The following PI4KA variants were observed in gnomAD, a reference collection of about 807,000 sequenced individuals.
The protein encoded by PI4KA is phosphatidylinositol 4-kinase alpha, also known as PI4-kinase alpha.
In PI4KA, 122 loss-of-function variants were observed where a neutral mutation model predicts 271.4. That is an observed-to-expected ratio of 0.45 (90% CI 0.39 to 0.52). The LOEUF is 0.52. Among genes scored for constraint, PI4KA ranks in the 20% least tolerant of loss-of-function variants. The pLI is 0.00. For synonymous variants in PI4KA, 1,041 were observed against 1,078.8 expected, an observed-to-expected ratio of 0.96 and a Z score of 0.69; for missense variants, 1,969 against 2,769.1, an observed-to-expected ratio of 0.71 and a Z score of 6.48.
In PI4KA at chr22:20,710,203, C is replaced by T. The variant is rs1305689793; in HGVS notation, c.6084-206G>A. ...CGCCCAGGCAAGGGCTGCCCACACGCACTCTGGACAGGCTGAGTGTCCTGC... is the reference window on the plus strand; with the variant it reads ...CGCCCAGGCAAGGGCTGCCCACACGTACTCTGGACAGGCTGAGTGTCCTGC... On this transcript the variant is annotated intron_variant, in intron 52 of 54. Transcript: ENST00000255882. The T allele has an allele frequency of 1.1e-5, 7 of 627,740 alleles. No homozygotes were observed. The East Asian group carries it at 1.7e-4, about 15-fold the overall frequency. 38.9% of individuals were successfully genotyped at this position (627,740 alleles called of 1,614,324 possible). A position where few individuals can be genotyped will look rare whatever the true frequency, so the allele number is the denominator to read the frequency against.
At position 20,793,242 on chromosome 22, in the gene PI4KA, G is replaced by A. The variant is rs1192703052; in HGVS notation, c.2279C>T (p.Ala760Val). Reference sequence around the variant, plus strand: ...TCCCAAGTTCCCTGCACTGCTAGAAGCCTAGAAAAGAACAGAATTATTGTC... The same window carrying A: ...TCCCAAGTTCCCTGCACTGCTAGAAACCTAGAAAAGAACAGAATTATTGTC... ...RASEKGPALK[A>V]SSSAGNLGVL... The change falls in exon 19 of 55, where the codon GCT becomes GTT. Residue 760 changes from alanine (A) to valine (V), a missense_variant and splice_region_variant. Coordinates refer to ENST00000255882, the MANE Select transcript of PI4KA (RefSeq NM_058004.4). The A allele has an allele frequency of 6.4e-7, 1 of 1,553,498 alleles. No homozygotes were observed. Among genetic ancestry groups the A allele is most frequent in the Non-Finnish European group, 8.9e-7 (1 of 1,125,428 alleles).
intron 1 of PI4KA, among the ~76,000 whole-genome samples, 190 bp downstream of exon 1, chr22:20,858,380 C>T (rs1601636092): frequency 6.6e-6 from 1 of 151,554 alleles, no homozygotes; most frequent in African/African-American, 2.4e-5. Context: ...CCCCCACGGT[C>T]CCTCTCTCTT....
rs373717608 is a variant in PI4KA, at chr22:20,764,887, C to T, written c.2638G>A (p.Ala880Thr). ...NLLDPPPEVSALINKLDFAMS... is the reference protein window; with the variant it reads ...NLLDPPPEVSTLINKLDFAMS... ...GCGAAGTCCAGCTTGTTGATGAGTG[C>T]GGACACCTCGGGAGGGGGGTCCAGC... The change falls in exon 22 of 55, where the codon GCA becomes ACA. Residue 880 changes from alanine to threonine, a missense_variant. Physicochemically the swap from Ala to Thr is moderately conservative, Grantham distance 58 (BLOSUM62 0). Transcript: ENST00000255882. 3.7e-6 allele frequency: 6 copies of T among 1,613,438 alleles called. No homozygotes were observed. The highest frequency in any genetic ancestry group is 3.4e-6 in the Non-Finnish European group (4 of 1,179,596).
chr22:20,710,084 A>T, intron 52 of PI4KA, 87 bp from the exon 53 acceptor site: 2 of 745,634 alleles, frequency 2.7e-6, no homozygotes, highest in Non-Finnish European at 4.9e-6. Context: ...TGATGCCAAC[A>T]GCCTCAGGTG....
At chr22:20,851,626 C>T (rs1342509306) in intron 1 of PI4KA, among the ~76,000 whole-genome samples, 6 of 152,206 alleles carry the variant, frequency 3.9e-5, no homozygotes, top group Non-Finnish European at 8.8e-5. Flanking sequence ...GCGTGAGCCA[C>T]TGTGCCCGGC....
Position 20,711,568 on chromosome 22 carries a change from T to C in PI4KA, c.5803-107A>G, listed in dbSNP as rs1432362102. On this transcript the variant is annotated intron_variant, in intron 50 of 54. Transcript: ENST00000255882. ...CCTGTGGGCACTCTCCCTGGCTCTG[T>C]ACCCCCACTGTGGAAGCAGAGCCCG... 5.9e-6 allele frequency: 7 copies of C among 1,187,668 alleles called. No individual in the cohort carries two copies. In the Admixed American group the frequency reaches 1.5e-4, roughly 25 times the overall value. 73.6% of individuals were successfully genotyped at this position (1,187,668 alleles called of 1,614,324 possible).
chr22:20,747,559 G>A, intron 29 of PI4KA, 24 bp downstream of exon 29: 7 of 1,612,432 alleles, frequency 4.3e-6, no homozygotes, highest in Non-Finnish European at 5.9e-6. Flanking sequence ...AGGGGTCACT[G>A]CTCTTCAGAA....
At chr22:20,771,725 A>G (rs1932883701) in intron 19 of PI4KA, among the ~76,000 whole-genome samples, 1 of 151,622 alleles carries the variant, frequency 6.6e-6, no homozygotes, top group South Asian at 2.1e-4. Flanking sequence ...GGGACTACAG[A>G]TGTGTGCCAC....
intron 17 of PI4KA, among the ~76,000 whole-genome samples, chr22:20,797,367 A>G (rs178042): frequency 0.5 from 75,510 of 151,926 alleles, 19,349 homozygotes; most frequent in African/African-American, 0.6. Context: ...GGAGGGGTGG[A>G]AGCAAAGGAA....
intron 42 of PI4KA, among the ~76,000 whole-genome samples, chr22:20,722,218 G>A (rs182396650): frequency 2.0e-5 from 3 of 152,082 alleles, no homozygotes; most frequent in Admixed American, 2.0e-4. Context: ...ACAGAGTCTC[G>A]GTCTGTCACC....
Position 20,729,177 on chromosome 22 carries a change from C to T in PI4KA, c.4682+136G>A, listed in dbSNP as rs369790671. Reference sequence around the variant, plus strand: ...AGGGCTCGGGGAGTGTCCTGGGGCTCGAGGACTAGACTACTTCCTGACTAT... The same window carrying T: ...AGGGCTCGGGGAGTGTCCTGGGGCTTGAGGACTAGACTACTTCCTGACTAT... On this transcript the variant is annotated intron_variant, in intron 39 of 54. Coordinates refer to ENST00000255882, the MANE Select transcript of PI4KA (RefSeq NM_058004.4). The T allele has an allele frequency of 3.3e-4, 238 of 715,778 alleles. 2 individuals are homozygous for T. The South Asian group carries it at 4.0e-3, about 12-fold the overall frequency. 44.3% of individuals were successfully genotyped at this position (715,778 alleles called of 1,614,324 possible). A position where few individuals can be genotyped will look rare whatever the true frequency, so the allele number is the denominator to read the frequency against.
chr22:20,834,753 T>A, intron 2 of PI4KA, 98 bp from the exon 3 acceptor site: 1 of 702,936 alleles, frequency 1.4e-6, no homozygotes, highest in South Asian at 1.6e-5. Flanking sequence ...CATATCCACA[T>A]CCTAATCATC....
chr22:20,826,298 G>T (rs186435160), intron 3 of PI4KA, among the ~76,000 whole-genome samples: 1 of 152,220 alleles, frequency 6.6e-6, no homozygotes, highest in East Asian at 1.9e-4. Flanking sequence ...AGCAGAGATC[G>T]CACCACTGCA....
chr22:20,763,863 A>T (rs1050718260), intron 22 of PI4KA, among the ~76,000 whole-genome samples: 1 of 152,196 alleles, frequency 6.6e-6, no homozygotes, highest in Non-Finnish European at 1.5e-5. Context: ...GGCTGAGGGC[A>T]GGGAGGAGGA....
chr22:20,802,231 T>C (rs1387354650), intron 13 of PI4KA, 126 bp from the exon 14 acceptor site: 5 of 704,626 alleles, frequency 7.1e-6, no homozygotes, highest in Non-Finnish European at 1.2e-5. Context: ...TCTAAAAACA[T>C]CTGACCAAAT....
At chr22:20,835,299 T>TGGA (rs1380272438) in intron 2 of PI4KA, among the ~76,000 whole-genome samples, 2 of 152,238 alleles carry the variant, frequency 1.3e-5, no homozygotes, top group African/African-American at 4.8e-5. Flanking sequence ...CATTGGCTTT[T>TGGA]GGAGCTATTT....
intron 19 of PI4KA, among the ~76,000 whole-genome samples, chr22:20,789,063 G>C (rs1028363903): frequency 2.0e-5 from 3 of 152,076 alleles, no homozygotes; most frequent in African/African-American, 7.2e-5. Flanking sequence ...CACCCACTCA[G>C]AATCTCTCAG....
chr22:20,838,849 G>T, intron 1 of PI4KA, 118 bp from the exon 2 acceptor site: 2 of 625,126 alleles, frequency 3.2e-6, no homozygotes, highest in Admixed American at 2.9e-5. Context: ...AGGCTGAGGT[G>T]GGAGGATAAC....
chr22:20,835,854 C>A (rs2147767408), intron 2 of PI4KA, among the ~76,000 whole-genome samples: 1 of 152,208 alleles, frequency 6.6e-6, no homozygotes, highest in African/African-American at 2.4e-5. Context: ...CGAGACCATC[C>A]TGGCCAATAT....
Sources: gnomAD v4.1 joint callset for allele counts (sites outside exome capture counted in the v4.1 genomes callset) on GRCh38, gnomAD v4.1.1 for gene constraint, MANE v1.5 for transcripts, NCBI Gene and HGNC (gene_info 2026-07-23, HGNC 2026-07-21) for gene names.